TRDMT1: variants seen among roughly 807,000 people sequenced by gnomAD.
TRDMT1 encodes the protein tRNA (cytosine(38)-C(5))-methyltransferase.
Under a neutral mutation model 51.2 loss-of-function variants are expected in TRDMT1, and 49 were observed. That is an observed-to-expected ratio of 0.96 (90% CI 0.76 to 1.21). The LOEUF (loss-of-function observed/expected upper bound fraction) is 1.21. TRDMT1 is among the 50% of genes most tolerant of loss of function. TRDMT1 has a pLI of 0.00. For missense variants in TRDMT1, 534 were observed against 462.3 expected, an observed-to-expected ratio of 1.16 and a Z score of -1.42; for synonymous variants, 187 against 164.6, an observed-to-expected ratio of 1.14 and a Z score of -1.04.
intron 2 of TRDMT1, among the ~76,000 whole-genome samples, chr10:17,170,241 G>T (rs11254421): frequency 6.6e-6 from 1 of 152,082 alleles, no homozygotes; most frequent in African/African-American, 2.4e-5. Flanking sequence ...TGATAAGGCA[G>T]TTAGGCAAAA....
At position 17,139,320 on chromosome 10, in the gene TRDMT1, C is replaced by T. The variant is rs1188888873; in HGVS notation, c.*9720G>A. On this transcript the variant is annotated 3_prime_UTR_variant, in exon 11 of 11. Coordinates refer to ENST00000377799, the MANE Select transcript of TRDMT1 (RefSeq NM_004412.7). Reference sequence around the variant, plus strand: ...AATCAAAGGAAAATGTCTGATTGCACTCAGACTTCAGCATGAATGACAGAA... The same window carrying T: ...AATCAAAGGAAAATGTCTGATTGCATTCAGACTTCAGCATGAATGACAGAA... 4 of 520,838 alleles carry T rather than the reference C, an allele frequency of 7.7e-6. No individual in the cohort carries two copies. The highest frequency in any genetic ancestry group is 9.9e-6 in the Non-Finnish European group (4 of 405,246). 32.3% of individuals were successfully genotyped at this position (520,838 alleles called of 1,614,324 possible). A position where few individuals can be genotyped will look rare whatever the true frequency, so the allele number is the denominator to read the frequency against.
rs969747686 is a variant in TRDMT1 at position 17,170,231 on chromosome 10, T to A, written c.175-1314A>T. Among the ~76,000 whole-genome samples, 5 of 152,180 alleles carry A rather than the reference T, an allele frequency of 3.3e-5. No homozygotes were observed. In the East Asian group the frequency reaches 7.7e-4, roughly 23 times the overall value. On this transcript the variant is annotated intron_variant, in intron 2 of 10. Coordinates refer to ENST00000377799, the MANE Select transcript of TRDMT1 (RefSeq NM_004412.7). ...GATTTTTTTAATAGTGTAGGCCAACTGATAAGGCAGTTAGGCAAAAATTCA... is the reference window on the plus strand; with the variant it reads ...GATTTTTTTAATAGTGTAGGCCAACAGATAAGGCAGTTAGGCAAAAATTCA...
chr10:17,191,492 G>A (rs1480941805), intron 1 of TRDMT1, among the ~76,000 whole-genome samples: 1 of 152,182 alleles, frequency 6.6e-6, no homozygotes, highest in Non-Finnish European at 1.5e-5. Context: ...AGGGCAGTGA[G>A]GCAGAGAAGG....
intron 1 of TRDMT1, among the ~76,000 whole-genome samples, chr10:17,175,297 G>T (rs1023528690): frequency 6.6e-6 from 1 of 152,128 alleles, no homozygotes. Context: ...AAGAATAAGG[G>T]AAATAATTAT....
chr10:17,177,180 T>TTTTATTTATTTATTTA (rs60893968), intron 1 of TRDMT1, among the ~76,000 whole-genome samples: 60,388 of 141,236 alleles, frequency 0.43, 13,579 homozygotes, highest in South Asian at 0.48. Flanking sequence ...AACACATTTA[T>TTTTATTTATTTATTTA]TTTATTTATT....
chr10:17,182,330 T>A (rs1248597769), intron 1 of TRDMT1, among the ~76,000 whole-genome samples: 1 of 152,216 alleles, frequency 6.6e-6, no homozygotes, highest in East Asian at 1.9e-4. Flanking sequence ...GGGCCTACAT[T>A]TGGACCTGGT....
intron 3 of TRDMT1, among the ~76,000 whole-genome samples, chr10:17,167,635 C>A (rs1157810764): frequency 1.3e-5 from 2 of 151,998 alleles, no homozygotes; most frequent in Non-Finnish European, 2.9e-5. Flanking sequence ...TATATATACA[C>A]ACATATATAT....
chr10:17,165,399 C>T (rs1395000908), intron 3 of TRDMT1, among the ~76,000 whole-genome samples: 1 of 152,194 alleles, frequency 6.6e-6, no homozygotes, highest in East Asian at 1.9e-4. Context: ...AAATGTTAGA[C>T]CTAAAACCAT....
chr10:17,175,466 C>T (rs916771262), intron 1 of TRDMT1, among the ~76,000 whole-genome samples: 1 of 152,120 alleles, frequency 6.6e-6, no homozygotes, highest in African/African-American at 2.4e-5. Flanking sequence ...CACCCTCTTT[C>T]CCCAAATATG....
intron 9 of TRDMT1, among the ~76,000 whole-genome samples, 183 bp downstream of exon 9, chr10:17,154,494 G>C (rs1170079013): frequency 6.6e-6 from 1 of 151,862 alleles, no homozygotes; most frequent in African/African-American, 2.4e-5. Context: ...TACTCATGTA[G>C]AGCAACAAGA....
At chr10:17,185,346 G>A (rs912180292) in intron 1 of TRDMT1, among the ~76,000 whole-genome samples, 1 of 152,142 alleles carries the variant, frequency 6.6e-6, no homozygotes. Context: ...CCATCAGAGA[G>A]ATGCAAATTA....
At chr10:17,163,439 C>T (rs925593736) in intron 3 of TRDMT1, among the ~76,000 whole-genome samples, 1 of 152,064 alleles carries the variant, frequency 6.6e-6, no homozygotes, top group African/African-American at 2.4e-5. Flanking sequence ...AAAATTTACA[C>T]CCTAACATCA....
chr10:17,165,638 T>G (rs201736954), intron 3 of TRDMT1, among the ~76,000 whole-genome samples: 1 of 151,562 alleles, frequency 6.6e-6, no homozygotes, highest in African/African-American at 2.4e-5. Context: ...AGGGCTAATA[T>G]CCAGAATCTA....
chr10:17,199,562 C>T (rs1356278527), intron 1 of TRDMT1, among the ~76,000 whole-genome samples: 1 of 152,032 alleles, frequency 6.6e-6, no homozygotes, highest in Admixed American at 6.5e-5. Flanking sequence ...TGGGTGTTGA[C>T]GGTGAAGCGG....
At chr10:17,165,489 C>G (rs1483708071) in intron 3 of TRDMT1, among the ~76,000 whole-genome samples, 1 of 145,202 alleles carries the variant, frequency 6.9e-6, no homozygotes, top group Non-Finnish European at 1.5e-5. Context: ...ACACCAAAAG[C>G]AATGGCAACA....
At chr10:17,178,357 G>C (rs1286312348) in intron 1 of TRDMT1, among the ~76,000 whole-genome samples, 1 of 152,142 alleles carries the variant, frequency 6.6e-6, no homozygotes, top group Non-Finnish European at 1.5e-5. Flanking sequence ...TATTAGTAAA[G>C]TATATTGTTT....
rs1205916977 is a variant in TRDMT1 at position 17,169,516 on chromosome 10, A to C, written c.175-599T>G. On this transcript the variant is annotated intron_variant, in intron 2 of 10. Coordinates refer to ENST00000377799, the MANE Select transcript of TRDMT1 (RefSeq NM_004412.7). ...AATTCCTAATGGGCTAAGTAGCTGA[A>C]AACTGTGCTGTGTTGCTCCTTTTCT... is the stretch of plus-strand genomic sequence containing the variant. 2.3e-6 allele frequency: 3 copies of C among 1,289,698 alleles called. No homozygotes were observed. The African/African-American group carries it at 4.6e-5, about 20-fold the overall frequency. 79.9% of individuals were successfully genotyped at this position (1,289,698 alleles called of 1,614,324 possible). A position where few individuals can be genotyped will look rare whatever the true frequency, so the allele number is the denominator to read the frequency against.
chr10:17,162,265 A>G, intron 3 of TRDMT1, 28 bp from the exon 4 acceptor site: 1 of 1,537,846 alleles, frequency 6.5e-7, no homozygotes, highest in Admixed American at 2.1e-5. Context: ...AAAAAAAACA[A>G]AAAAAAACAC....
At chr10:17,149,781 C>T (rs1838453210) in intron 10 of TRDMT1, among the ~76,000 whole-genome samples, 1 of 152,094 alleles carries the variant, frequency 6.6e-6, no homozygotes, top group African/African-American at 2.4e-5. Context: ...ATGTTTTAAA[C>T]ATTCATTCAT....
Sources: allele counts gnomAD v4.1 joint callset (sites outside exome capture counted in the v4.1 genomes callset), GRCh38; gene constraint gnomAD v4.1.1; transcripts MANE v1.5; gene names NCBI Gene and HGNC (gene_info 2026-07-23, HGNC 2026-07-21).